Variants in ABCB6 observed in about 807,000 individuals in gnomAD.
The protein encoded by ABCB6 is ATP-binding cassette sub-family B member 6.
A neutral mutation model predicts 99.4 loss-of-function variants in ABCB6; 87 were observed. The observed-to-expected ratio is 0.88, with a 90% CI of 0.74 to 1.05. ABCB6 has a LOEUF of 1.05. Ranked by LOEUF, ABCB6 falls within the 50% of genes least tolerant of loss-of-function variation. The pLI is 0.00. For synonymous variants in ABCB6, 482 were observed against 447.5 expected (o/e 1.08, Z -0.97); for missense variants, 1,050 against 1,097.9 (o/e 0.96, Z 0.62).
rs1226189088 is a variant in ABCB6, at chr2:219,210,212, G to A, written c.2420+18C>T. On this transcript the variant is annotated intron_variant, in intron 18 of 18. Coordinates refer to ENST00000265316, the MANE Select transcript of ABCB6 (RefSeq NM_005689.4). ...CCCAATTCAGAAGACCTGTCCTTTT[G>A]ATCTATGTGTCTCTTACCGTCCCCT... 1.9e-6 allele frequency: 3 copies of A among 1,613,876 alleles called. No individual in the cohort carries two copies. The highest frequency in any genetic ancestry group is 2.5e-6 in the Non-Finnish European group (3 of 1,179,942).
At chr2:219,213,193 A>G (rs1396424059) in intron 12 of ABCB6, 48 bp downstream of exon 12, 1 of 1,608,936 alleles carries the variant, frequency 6.2e-7, no homozygotes. Context: ...GCAGGAAGGC[A>G]GTGTGCAAAT....
In ABCB6 at chr2:219,216,940, AC is replaced by A; in HGVS notation, c.688-109del. 3 of 964,416 alleles carry A rather than the reference AC, an allele frequency of 3.1e-6. No individual in the cohort carries two copies. The highest frequency in any genetic ancestry group is 4.5e-6 in the Non-Finnish European group (3 of 669,946). 59.7% of individuals were successfully genotyped at this position (964,416 alleles called of 1,614,324 possible). On this transcript the variant is annotated intron_variant, in intron 2 of 18. Transcript: ENST00000265316. The surrounding 1 kb of genome is among the most constrained non-coding windows in gnomAD (Gnocchi z 4.2). ...GGGTTACAGCTCCCAGGTATCTCAG[AC>A]CCACAAGTGATCCTTGATGGGGTCA...
At position 219,211,667 on chromosome 2, in the gene ABCB6, G is replaced by A. The variant is rs562550001; in HGVS notation, c.1969-559C>T. On this transcript the variant is annotated intron_variant, in intron 14 of 18. Coordinates refer to ENST00000265316, the MANE Select transcript of ABCB6 (RefSeq NM_005689.4). ...GTTTTGCTTTTTGTTTTGAGACAGG[G>A]CCTTGCTCTGTCACCCAGGCTGGAG... Among the ~76,000 whole-genome samples, 4 of 134,854 alleles carry A rather than the reference G, an allele frequency of 3.0e-5. No homozygotes were observed. The South Asian group carries it at 7.3e-4, about 25-fold the overall frequency. 88.5% of individuals were successfully genotyped at this position (134,854 alleles called of 152,430 possible). A position where few individuals can be genotyped will look rare whatever the true frequency, so the allele number is the denominator to read the frequency against.
intron 18 of ABCB6, 58 bp from the exon 19 acceptor site, chr2:219,210,104 C>T: frequency 3.8e-6 from 6 of 1,598,194 alleles, no homozygotes; most frequent in Non-Finnish European, 5.1e-6. Flanking sequence ...AGGGTCCTTG[C>T]CACCAGCCCA....
chr2:219,216,619 C>T lies in ABCB6; in HGVS notation c.868+33G>A. 1 of 1,545,356 alleles carries T rather than the reference C, an allele frequency of 6.5e-7. No homozygotes were observed. Among genetic ancestry groups the T allele is most frequent in the East Asian group, 2.4e-5 (1 of 40,884 alleles). ...TCCCAGCCACCAGGCTGATGAAGGA[C>T]CAGCACACTGAGCTGGTGCTCCTCC... On this transcript the variant is annotated intron_variant, in intron 3 of 18. Coordinates refer to ENST00000265316, the MANE Select transcript of ABCB6 (RefSeq NM_005689.4). The surrounding 1 kb of genome is among the most constrained non-coding windows in gnomAD (Gnocchi z 4.2).
rs1282719903 is a variant in ABCB6 at position 219,216,272 on chromosome 2, G to A, written c.970+92C>T. On this transcript the variant is annotated intron_variant, in intron 4 of 18. Transcript: ENST00000265316. The surrounding 1 kb of genome is among the most constrained non-coding windows in gnomAD (Gnocchi z 4.2). ...TGTGAAAGGTCTGAGAGTACATGGG[G>A]GCTGGGGAGGAATGCTGGGAGAGGC... The A allele has an allele frequency of 6.3e-5, 99 of 1,582,204 alleles. 2 individuals carry two copies. The South Asian group carries it at 1.0e-3, about 16-fold the overall frequency.
At chr2:219,215,190 C>A in intron 5 of ABCB6, 108 bp from the exon 6 acceptor site, 2 of 1,425,174 alleles carry the variant, frequency 1.4e-6, no homozygotes, top group South Asian at 1.3e-5. Flanking sequence ...CAGACTGGAA[C>A]CAGTCTTAAT....
chr2:219,216,839 T>C lies in ABCB6; in HGVS notation c.688-7A>G. ...GTTGGGCTGCTGACCGAACCTAGGA[T>C]GGTGAAACACGTAGGAAGGGAGCTC... is the stretch of plus-strand genomic sequence containing the variant. On this transcript the variant is annotated splice_region_variant and splice_polypyrimidine_tract_variant and intron_variant, in intron 2 of 18. Coordinates refer to ENST00000265316, the MANE Select transcript of ABCB6 (RefSeq NM_005689.4). This position sits in a 1 kb window ranked among gnomAD's most constrained non-coding sequence, Gnocchi z 4.2. 1 of 1,608,606 alleles carries C rather than the reference T, an allele frequency of 6.2e-7. No homozygotes were observed. Among genetic ancestry groups the C allele is most frequent in the Non-Finnish European group, 8.5e-7 (1 of 1,177,876 alleles).
At chr2:219,215,937 GC>G in intron 5 of ABCB6, 59 bp downstream of exon 5, 1 of 1,457,100 alleles carries the variant, frequency 6.9e-7, no homozygotes, top group Non-Finnish European at 9.1e-7. Flanking sequence ...CCTCCCACGG[GC>G]CCCTATCCCT....
In ABCB6 at chr2:219,213,264, G is replaced by C. The variant is rs368167926; in HGVS notation, c.1782C>G (p.Asn594Lys). The C allele has an allele frequency of 1.2e-6, 2 of 1,614,194 alleles. No homozygotes were observed. Among genetic ancestry groups the C allele is most frequent in the East Asian group, 4.5e-5 (2 of 44,876 alleles). The change falls in exon 12 of 19, where the codon AAC (asparagine) becomes AAG (lysine). Residue 594 changes from asparagine (N) to lysine (K), a missense_variant. Asn to Lys is a moderately conservative substitution (Grantham distance 94). Transcript: ENST00000265316. ...ACCCATCGGCATAGCTGAAGTGCAC[G>C]TTCTCAAACTCAATACGGCCCTTCT... ...RFQKGRIEFE[N>K]VHFSYADGRE...
chr2:219,214,813 C>T, intron 6 of ABCB6, 148 bp downstream of exon 6: 4 of 877,704 alleles, frequency 4.6e-6, no homozygotes, highest in South Asian at 1.7e-5. Context: ...CAGAAGAGAC[C>T]CGCCCATCAC....
chr2:219,215,309 A>G (rs1950626329), intron 5 of ABCB6: 2 of 526,010 alleles, frequency 3.8e-6, no homozygotes, highest in Non-Finnish European at 6.8e-6. Flanking sequence ...GAAGAAAAAT[A>G]TATCTCCATA....
rs142256852 is a variant in ABCB6, at chr2:219,217,698, T to C, written c.659A>G (p.Glu220Gly). 31 of 1,612,534 alleles carry C rather than the reference T, an allele frequency of 1.9e-5. No homozygotes were observed. The highest frequency in any genetic ancestry group is 2.5e-5 in the Non-Finnish European group (29 of 1,179,576). ...RPQSYTLQVH[E>G]EDQDVERSQV... ...GCTCCTTTCCACATCTTGGTCCTCT[T>C]CATGAACCTGCAATGTATAGGACTG... Residue 220 changes from glutamate (E) to glycine (G), a missense_variant, in exon 2 of 19, where the codon GAA (glutamate) becomes GGA (glycine). Coordinates refer to ENST00000265316, the MANE Select transcript of ABCB6 (RefSeq NM_005689.4).
chr2:219,218,215 G>A lies in ABCB6; in HGVS notation c.459C>T (p.Leu153=), dbSNP rs1183385762. 4 of 1,613,734 alleles carry A rather than the reference G, an allele frequency of 2.5e-6. No individual in the cohort carries two copies. In the South Asian group the frequency reaches 3.3e-5, roughly 13 times the overall value. The change falls in exon 1 of 19, where the codon CTC becomes CTT. Residue 153 remains leucine (L), a synonymous_variant. Coordinates refer to ENST00000265316, the MANE Select transcript of ABCB6 (RefSeq NM_005689.4). ...TCTCAGCTGCAAACGCCACAGTCCA[G>A]AGGAGCAGGAGACCAGGGCTGTGCC... The part of the protein sequence containing the change: ...KFRHSPGLLL[L]WTVAFAAENL...
intron 14 of ABCB6, among the ~76,000 whole-genome samples, chr2:219,211,764 A>T (rs1574810581): frequency 7.5e-6 from 1 of 132,968 alleles, no homozygotes; most frequent in South Asian, 2.5e-4. Flanking sequence ...TGGCCAGCTA[A>T]TTTTTTTTTT....
chr2:219,216,801 C>G lies in ABCB6; in HGVS notation c.719G>C (p.Arg240Pro). The G allele has an allele frequency of 6.2e-7, 1 of 1,612,916 alleles. No homozygotes were observed. The highest frequency in any genetic ancestry group is 8.5e-7 in the Non-Finnish European group (1 of 1,179,692). Residue 240 changes from arginine (R) to proline (P), a missense_variant, in exon 3 of 19, where the codon CGA becomes CCA. Physicochemically the swap from Arg to Pro is moderately radical, Grantham distance 103. Transcript: ENST00000265316. The surrounding 1 kb of genome is among the most constrained non-coding windows in gnomAD (Gnocchi z 4.2). ...VRSAAQQSTW[R>P]DFGRKLRLLS... ...GAGGCGGAGCTTCCTGCCAAAATCT[C>G]GCCAGGTAGACTGTTGGGCTGCTGA...
Position 219,216,143 on chromosome 2 carries a change from C to A in ABCB6, c.1008G>T (p.Arg336=). 6.2e-7 allele frequency: 1 copy of A among 1,602,074 alleles called. No individual in the cohort carries two copies. Among genetic ancestry groups the A allele is most frequent in the Non-Finnish European group, 8.5e-7 (1 of 1,174,246 alleles). Residue 336 remains arginine, a synonymous_variant, in exon 5 of 19, where the codon CGG becomes CGT. Transcript: ENST00000265316. This position sits in a 1 kb window ranked among gnomAD's most constrained non-coding sequence, Gnocchi z 4.2. ...VSNLRTFLWI[R]VQQFTSRRVE... is the part of the protein sequence containing the mutation. ...CCCGCCGAGACGTGAACTGCTGCAC[C>A]CGGATCCACAGGAAGGTGCGCAGGT...
At position 219,212,454 on chromosome 2, in the gene ABCB6, C is replaced by A. The variant is rs759447077; in HGVS notation, c.1901G>T (p.Arg634Leu). ...GATGTCGTAGAAGCGAAACAGCAGG[C>A]GCAAAATTGTGCTCTTCCCTGCCCC... ...PSGAGKSTILRLLFRFYDISS... is the reference protein window; with the variant it reads ...PSGAGKSTILLLLFRFYDISS... Residue 634 changes from arginine to leucine, a missense_variant, in exon 14 of 19, where the codon CGC becomes CTC. By Grantham distance (102) the Arg-to-Leu change is moderately radical. Transcript: ENST00000265316. 7.4e-6 allele frequency: 12 copies of A among 1,614,018 alleles called. No individual in the cohort carries two copies. Among genetic ancestry groups the A allele is most frequent in the Non-Finnish European group, 1.0e-5 (12 of 1,180,038 alleles).
At chr2:219,211,895 C>G (rs1414831819) in intron 14 of ABCB6, among the ~76,000 whole-genome samples, 1 of 151,938 alleles carries the variant, frequency 6.6e-6, no homozygotes, top group East Asian at 1.9e-4. Context: ...TCCCGAGTAG[C>G]TGGGACTACA....
Sources: gnomAD v4.1 joint callset for allele counts (sites outside exome capture counted in the v4.1 genomes callset) on GRCh38, gnomAD v4.1.1 for gene constraint, Gnocchi (gnomAD v3.1) non-coding constraint, MANE v1.5 for transcripts, NCBI Gene and HGNC (gene_info 2026-07-23, HGNC 2026-07-21) for gene names.